Variants in SH3BGRL2 observed in about 807,000 individuals in gnomAD.
The protein encoded by SH3BGRL2 is SH3 domain binding glutamate rich protein like 2, also known as SH3 domain-binding glutamic acid-rich-like protein 2.
In SH3BGRL2, 21 loss-of-function variants were observed where a neutral mutation model predicts 14.8. That is an observed-to-expected ratio of 1.42 (90% CI 1.01 to 2.05). The LOEUF (loss-of-function observed/expected upper bound fraction) is 2.05. Among genes scored for constraint, SH3BGRL2 ranks in the 30% most tolerant of loss-of-function variants. The pLI is 0.00. For missense variants in SH3BGRL2, 147 were observed against 130.8 expected, an observed-to-expected ratio of 1.12 and a Z score of -0.61; for synonymous variants, 50 against 47.8, an observed-to-expected ratio of 1.05 and a Z score of -0.19.
chr6:79,594,510 G>A, the SH3BGRL2 span, among the ~76,000 whole-genome samples: 1 of 152,128 alleles, frequency 6.6e-6, no homozygotes, highest in Non-Finnish European at 1.5e-5. Flanking sequence ...GGCATGGGGA[G>A]CCAGAGACAC....
chr6:79,546,591 T>C, the SH3BGRL2 span, among the ~76,000 whole-genome samples: 4 of 152,078 alleles, frequency 2.6e-5, no homozygotes, highest in Non-Finnish European at 5.9e-5. Context: ...AGAGAGTGGA[T>C]GGGGCTAAGA....
the SH3BGRL2 span, among the ~76,000 whole-genome samples, chr6:79,599,351 G>A: frequency 6.7e-6 from 1 of 148,822 alleles, no homozygotes; most frequent in Admixed American, 6.9e-5. Context: ...GAAGAGACAT[G>A]TAATAATATT....
At chr6:79,578,665 A>G in the SH3BGRL2 span, among the ~76,000 whole-genome samples, 1 of 152,184 alleles carries the variant, frequency 6.6e-6, no homozygotes, top group South Asian at 2.1e-4. Context: ...TCAAATACCA[A>G]AGGTTGATAA....
intron 1 of SH3BGRL2, among the ~76,000 whole-genome samples, chr6:79,636,999 A>G (rs72905720): frequency 0.025 from 3,816 of 152,292 alleles, 116 homozygotes; most frequent in Non-Finnish European, 0.033. Flanking sequence ...ACATAATAGC[A>G]TGCAACATGA....
chr6:79,561,058 T>G, the SH3BGRL2 span: 1 of 151,670 alleles, frequency 6.6e-6, no homozygotes, highest in Non-Finnish European at 1.5e-5. Flanking sequence ...TTTTGTATTT[T>G]TAGTAGAGAC....
the SH3BGRL2 span, among the ~76,000 whole-genome samples, chr6:79,606,308 T>C: frequency 6.6e-6 from 1 of 152,230 alleles, no homozygotes; most frequent in Non-Finnish European, 1.5e-5. Context: ...CATGACTAAC[T>C]CTTCTTAGTC....
intron 2 of SH3BGRL2, among the ~76,000 whole-genome samples, chr6:79,674,963 A>T (rs1338295482): frequency 6.6e-6 from 1 of 152,158 alleles, no homozygotes; most frequent in African/African-American, 2.4e-5. Flanking sequence ...TTGTTATTTT[A>T]TGGGGTTTTT....
At chr6:79,613,448 C>T in the SH3BGRL2 span, among the ~76,000 whole-genome samples, 2 of 152,150 alleles carry the variant, frequency 1.3e-5, no homozygotes, top group African/African-American at 4.8e-5. Context: ...TTTCTGGGTA[C>T]ATTTTAGGGA....
chr6:79,621,245 T>C, the SH3BGRL2 span, among the ~76,000 whole-genome samples: 5 of 152,222 alleles, frequency 3.3e-5, no homozygotes, highest in Admixed American at 3.3e-4. Context: ...GTCTGAATGT[T>C]TGTGTCCTTC....
At chr6:79,584,869 C>A in the SH3BGRL2 span, among the ~76,000 whole-genome samples, 1 of 152,062 alleles carries the variant, frequency 6.6e-6, no homozygotes, top group African/African-American at 2.4e-5. Flanking sequence ...TATCTTTTGA[C>A]CCAGCAGTTT....
At chr6:79,616,757 A>G in the SH3BGRL2 span, among the ~76,000 whole-genome samples, 7 of 152,124 alleles carry the variant, frequency 4.6e-5, no homozygotes, top group Non-Finnish European at 1.0e-4. Flanking sequence ...GGACAAGATG[A>G]CCTCCATGGT....
chr6:79,675,704 G>A (rs1694211273), intron 2 of SH3BGRL2, among the ~76,000 whole-genome samples: 3 of 151,688 alleles, frequency 2.0e-5, no homozygotes, highest in Admixed American at 6.6e-5. Flanking sequence ...TTGAATTTTT[G>A]TCCTTTTCTC....
At chr6:79,697,247 C>CT (rs1486767483) in intron 3 of SH3BGRL2, among the ~76,000 whole-genome samples, 1 of 151,852 alleles carries the variant, frequency 6.6e-6, no homozygotes, top group African/African-American at 2.4e-5. Context: ...GCCTAGACTC[C>CT]TTTTTTTGAA....
At chr6:79,575,998 C>T in the SH3BGRL2 span, among the ~76,000 whole-genome samples, 2 of 151,688 alleles carry the variant, frequency 1.3e-5, no homozygotes, top group Non-Finnish European at 2.9e-5. Flanking sequence ...TATTTTTGCC[C>T]TTTTAGTAAT....
the SH3BGRL2 span, among the ~76,000 whole-genome samples, chr6:79,588,736 G>A: frequency 6.6e-6 from 1 of 151,260 alleles, no homozygotes; most frequent in East Asian, 1.9e-4. Flanking sequence ...AATTAATAAA[G>A]TGACTGTATC....
chr6:79,575,363 C>T, the SH3BGRL2 span: 1 of 152,082 alleles, frequency 6.6e-6, no homozygotes, highest in Admixed American at 6.5e-5. Context: ...TAAAATTTCC[C>T]ATACTATATT....
the SH3BGRL2 span, among the ~76,000 whole-genome samples, chr6:79,550,273 G>T: frequency 6.6e-6 from 1 of 151,976 alleles, no homozygotes; most frequent in Admixed American, 6.5e-5. Context: ...GCAGCTACTG[G>T]TAACAGGAAA....
At chr6:79,690,631 A>T (rs549418490) in intron 2 of SH3BGRL2, among the ~76,000 whole-genome samples, 1 of 152,232 alleles carries the variant, frequency 6.6e-6, no homozygotes. Flanking sequence ...GAGTTGATCA[A>T]GGTCATAGAT....
chr6:79,602,326 T>C, the SH3BGRL2 span, among the ~76,000 whole-genome samples: 4 of 151,868 alleles, frequency 2.6e-5, no homozygotes, highest in African/African-American at 7.3e-5. Flanking sequence ...ACTAAGAAAA[T>C]AACCAGGGTC....
Sources: gnomAD v4.1 joint callset for allele counts (sites outside exome capture counted in the v4.1 genomes callset) on GRCh38, gnomAD v4.1.1 for gene constraint, MANE v1.5 for transcripts, NCBI Gene and HGNC (gene_info 2026-07-23, HGNC 2026-07-21) for gene names.